Variants in TRPM3 observed in about 807,000 individuals in gnomAD.
TRPM3 encodes the protein transient receptor potential cation channel subfamily M member 3, also known as long transient receptor potential channel 3.
A neutral mutation model predicts 181.2 loss-of-function variants in TRPM3; 77 were observed. The observed-to-expected ratio is 0.42, with a 90% CI of 0.35 to 0.51. The LOEUF (loss-of-function observed/expected upper bound fraction) is 0.51, where lower values mean the gene tolerates loss of function less well. TRPM3 is among the 20% of genes least tolerant of loss of function. The pLI, the probability that TRPM3 is intolerant of heterozygous loss-of-function variation, is 0.01. For missense variants in TRPM3, 1,759 were observed against 2,196.7 expected (o/e 0.80, Z 3.98); for synonymous variants, 745 against 796.4 (o/e 0.94, Z 1.09).
At chr9:71,226,081 G>C (rs764263617) in intron 1 of TRPM3, among the ~76,000 whole-genome samples, 2 of 120,068 alleles carry the variant, frequency 1.7e-5, no homozygotes, top group Non-Finnish European at 3.4e-5. Context: ...GTTTTTTTTT[G>C]TGGTTTATGC....
At chr9:70,966,204 C>T (rs931845096) in intron 1 of TRPM3, among the ~76,000 whole-genome samples, 5 of 152,110 alleles carry the variant, frequency 3.3e-5, no homozygotes, top group African/African-American at 1.2e-4. Flanking sequence ...TACCATCTCA[C>T]ACCAGTCAGA....
intron 1 of TRPM3, among the ~76,000 whole-genome samples, chr9:71,185,637 GC>G (rs11327999): frequency 0.27 from 41,740 of 151,790 alleles, 6,124 homozygotes; most frequent in Admixed American, 0.36. Context: ...TATTTATTAT[GC>G]ATCTATTATA....
chr9:71,211,915 C>T (rs2079528577), intron 1 of TRPM3, among the ~76,000 whole-genome samples: 1 of 152,088 alleles, frequency 6.6e-6, no homozygotes, highest in Admixed American at 6.6e-5. Context: ...CCATAACATC[C>T]TTTATACAGT....
At chr9:71,401,197 C>CAAAAAAAAAA (rs59425467) in intron 1 of TRPM3, among the ~76,000 whole-genome samples, 9 of 105,764 alleles carry the variant, frequency 8.5e-5, no homozygotes, top group African/African-American at 3.2e-4. Flanking sequence ...GACACCATCG[C>CAAAAAAAAAA]AAAAAAAAAA....
intron 1 of TRPM3, chr9:70,917,499 G>A (rs2096610074): frequency 2.8e-6 from 2 of 716,404 alleles, no homozygotes; most frequent in Non-Finnish European, 2.6e-6. Context: ...AGGGCCAAGG[G>A]AGCCACCACG....
At chr9:70,620,030 T>C (rs1449271406) in intron 16 of TRPM3, 46 bp downstream of exon 16, 1 of 1,557,336 alleles carries the variant, frequency 6.4e-7, no homozygotes, top group Non-Finnish European at 8.7e-7. Flanking sequence ...GGAGCCCACC[T>C]TTCCTCCTCT....
At chr9:71,132,443 G>A (rs553388521) in intron 1 of TRPM3, among the ~76,000 whole-genome samples, 8 of 152,288 alleles carry the variant, frequency 5.3e-5, no homozygotes, top group African/African-American at 1.9e-4. Context: ...AGAAAGCAGA[G>A]CAATGGTTGT....
At chr9:71,153,301 T>C (rs2075828020) in intron 1 of TRPM3, among the ~76,000 whole-genome samples, 3 of 151,604 alleles carry the variant, frequency 2.0e-5, no homozygotes, top group Admixed American at 2.0e-4. Flanking sequence ...ATTTTTTTTT[T>C]TTTTTTCTGA....
chr9:71,407,603 G>A (rs2093461853), intron 1 of TRPM3, among the ~76,000 whole-genome samples: 1 of 152,226 alleles, frequency 6.6e-6, no homozygotes, highest in African/African-American at 2.4e-5. Context: ...GCCCACTGCA[G>A]CTCAATGACA....
At position 70,618,930 on chromosome 9, in the gene TRPM3, G is replaced by A; in HGVS notation, c.2295C>T (p.Ser765=). 6.2e-7 allele frequency: 1 copy of A among 1,613,120 alleles called. No individual in the cohort carries two copies. Among genetic ancestry groups the A allele is most frequent in the Non-Finnish European group, 8.5e-7 (1 of 1,179,982 alleles). ...KHRDFIAHTC[S]QMLLTDMWMG... is the part of the protein sequence containing the mutation. Reference sequence around the variant, plus strand: ...TCCACATGTCGGTGAGCAGCATCTGGCTGCACGTGTGCGCGATGAAGTCGC... The same window carrying A: ...TCCACATGTCGGTGAGCAGCATCTGACTGCACGTGTGCGCGATGAAGTCGC... The change falls in exon 17 of 26, where the codon AGC becomes AGT. Residue 765 remains serine (S), a synonymous_variant. Coordinates refer to ENST00000677713, the MANE Select transcript of TRPM3 (RefSeq NM_001366145.2).
At chr9:70,937,821 T>C (rs1227889849) in intron 1 of TRPM3, among the ~76,000 whole-genome samples, 2 of 140,056 alleles carry the variant, frequency 1.4e-5, no homozygotes, top group African/African-American at 5.4e-5. Context: ...CTGGAGGTGC[T>C]GCAGAAGTCA....
chr9:71,125,607 T>C (rs1353832806), upstream of TRPM3, among the ~76,000 whole-genome samples: 1 of 152,196 alleles, frequency 6.6e-6, no homozygotes, highest in Non-Finnish European at 1.5e-5. Context: ...TGATGTGCAT[T>C]TGGGTTGATT....
intron 14 of TRPM3, 89 bp from the exon 15 acceptor site, chr9:70,621,362 T>G: frequency 1.1e-6 from 1 of 941,532 alleles, no homozygotes; most frequent in Non-Finnish European, 1.5e-6. Context: ...ATTTTTTGTT[T>G]TGTTTTGTTT....
intron 1 of TRPM3, among the ~76,000 whole-genome samples, chr9:71,411,053 C>T (rs892346333): frequency 2.0e-5 from 3 of 152,114 alleles, no homozygotes; most frequent in African/African-American, 7.2e-5. Context: ...AATTCAACAG[C>T]CCTTCATGCT....
Position 70,637,488 on chromosome 9 carries a change from C to T in TRPM3, c.1581+1572G>A, listed in dbSNP as rs76342496. On this transcript the variant is annotated intron_variant, in intron 11 of 25. Transcript: ENST00000677713. The stretch of plus-strand genomic sequence containing the variant: ...TCCCCAGTCTTTGGAATAAATTACT[C>T]CCTTGATTCTCTAATTGATAGACCA... Among the ~76,000 whole-genome samples, 920 of 151,390 alleles carry T rather than the reference C, an allele frequency of 6.1e-3. 13 individuals are homozygous for T. Among genetic ancestry groups the T allele is most frequent in the African/African-American group, 0.021 (874 of 41,246 alleles).
chr9:71,421,003 G>GAGAGAAAA (rs2093760959), intron 1 of TRPM3, among the ~76,000 whole-genome samples: 1 of 147,090 alleles, frequency 6.8e-6, no homozygotes, highest in African/African-American at 2.6e-5. Flanking sequence ...GAGAAAAAGA[G>GAGAGAAAA]AGAAAAAGAG....
At chr9:71,089,149 ATATTT>A (rs2065775420) in intron 1 of TRPM3, among the ~76,000 whole-genome samples, 1 of 147,700 alleles carries the variant, frequency 6.8e-6, no homozygotes, top group South Asian at 2.1e-4. Context: ...ATATGAATAT[ATATTT>A]TATATCATAT....
chr9:71,228,957 GA>G (rs981502667), intron 1 of TRPM3, among the ~76,000 whole-genome samples: 3 of 151,950 alleles, frequency 2.0e-5, no homozygotes, highest in Non-Finnish European at 2.9e-5. Context: ...CACAGAAGTA[GA>G]AAAAAAGATC....
At chr9:71,359,723 A>G (rs1353225777) in intron 1 of TRPM3, among the ~76,000 whole-genome samples, 1 of 152,110 alleles carries the variant, frequency 6.6e-6, no homozygotes, top group East Asian at 1.9e-4. Context: ...AGAAAATTTC[A>G]TTATTTTCAG....
Sources: gnomAD v4.1 joint callset for allele counts (sites outside exome capture counted in the v4.1 genomes callset) on GRCh38, gnomAD v4.1.1 for gene constraint, MANE v1.5 for transcripts, NCBI Gene and HGNC (gene_info 2026-07-23, HGNC 2026-07-21) for gene names.